The following PAPSS2 variants were observed in gnomAD, a reference collection of about 807,000 sequenced individuals.
PAPSS2 encodes 3'-phosphoadenosine 5'-phosphosulfate synthase 2.
In PAPSS2, 61 loss-of-function variants were observed where a neutral mutation model predicts 66.5. The ratio of observed to expected loss-of-function variants is 0.92; its 90% CI spans 0.75 to 1.14. The LOEUF is 1.14. Ranked by LOEUF, PAPSS2 falls within the 50% of genes most tolerant of loss-of-function variation. The probability of loss-of-function intolerance (pLI) is 0.00; values close to 1 mark genes in which losing one functional copy is unlikely to be tolerated. For missense variants in PAPSS2, 708 were observed against 789.6 expected, an observed-to-expected ratio of 0.90 and a Z score of 1.24; for synonymous variants, 289 against 287.5, an observed-to-expected ratio of 1.01 and a Z score of -0.05.
At chr10:87,734,496 G>C (rs1174261652) in intron 9 of PAPSS2, among the ~76,000 whole-genome samples, 1 of 151,520 alleles carries the variant, frequency 6.6e-6, no homozygotes, top group Non-Finnish European at 1.5e-5. Context: ...CTGAGATTTG[G>C]GTCTTGGCTT....
chr10:87,660,700 C>T (rs555957703), intron 1 of PAPSS2, among the ~76,000 whole-genome samples: 21 of 148,970 alleles, frequency 1.4e-4, no homozygotes, highest in African/African-American at 4.9e-4. Context: ...AATATGAGGG[C>T]GTGTCAAAGA....
chr10:87,745,476 G>A lies in PAPSS2; in HGVS notation c.1721+245G>A, dbSNP rs146361763. Reference sequence around the variant, plus strand: ...ACATGCATTCTTGAGCATGCACAGAGTGCCTGGCACACTAAGTGAAAGGAA... The same window carrying A: ...ACATGCATTCTTGAGCATGCACAGAATGCCTGGCACACTAAGTGAAAGGAA... On this transcript the variant is annotated intron_variant, in intron 12 of 12. Transcript: ENST00000456849. Among the ~76,000 whole-genome samples, 25 of 152,318 alleles carry A rather than the reference G, an allele frequency of 1.6e-4. 1 individual carries two copies. The highest frequency in any genetic ancestry group is 1.2e-3 in the South Asian group (6 of 4,826).
chr10:87,697,524 A>G (rs1489695854), intron 1 of PAPSS2, among the ~76,000 whole-genome samples: 1 of 152,210 alleles, frequency 6.6e-6, no homozygotes, highest in East Asian at 1.9e-4. Flanking sequence ...GGTGTGTCCA[A>G]GGTTGATTAC....
chr10:87,714,686 G>A, intron 4 of PAPSS2, 59 bp from the exon 5 acceptor site: 1 of 1,003,926 alleles, frequency 1.0e-6, no homozygotes, highest in Non-Finnish European at 1.6e-6. Flanking sequence ...TTGCCTTATT[G>A]ATTAAAAAGA....
chr10:87,739,380 C>T (rs114361263), intron 9 of PAPSS2, among the ~76,000 whole-genome samples: 4,233 of 152,194 alleles, frequency 0.028, 196 homozygotes, highest in African/African-American at 0.097. Context: ...CATTTTGCTG[C>T]GCTTTGGAGA....
chr10:87,693,949 C>T (rs1470190924), intron 1 of PAPSS2, among the ~76,000 whole-genome samples: 2 of 152,152 alleles, frequency 1.3e-5, no homozygotes, highest in Non-Finnish European at 2.9e-5. Context: ...AAGTTTGGAA[C>T]ATGTCATTTT....
At chr10:87,667,380 G>A (rs929954505) in intron 1 of PAPSS2, among the ~76,000 whole-genome samples, 3 of 152,128 alleles carry the variant, frequency 2.0e-5, no homozygotes, top group Non-Finnish European at 4.4e-5. Flanking sequence ...CAGTACTGGA[G>A]GTCAAGGCTG....
intron 7 of PAPSS2, among the ~76,000 whole-genome samples, chr10:87,718,872 G>A (rs7079187): frequency 0.5 from 76,315 of 152,038 alleles, 20,094 homozygotes; most frequent in East Asian, 0.71. Flanking sequence ...TCCTCATGTG[G>A]CTCCAGTGTG....
At position 87,743,467 on chromosome 10, in the gene PAPSS2, C is replaced by T. The variant is rs1257774356; in HGVS notation, c.1317C>T (p.Tyr439=). Residue 439 remains tyrosine (Y), a synonymous_variant, in exon 11 of 13, where the codon TAC becomes TAT. Transcript: ENST00000456849. ...GCCGCAGGCTCCTAGAGAGGGGCTA[C>T]AAGCACCCGGTCCTCCTACTACACC... ...DTRRRLLERG[Y]KHPVLLLHPL... is the part of the protein sequence containing the mutation. 2 of 1,614,044 alleles carry T rather than the reference C, an allele frequency of 1.2e-6. No homozygotes were observed. Among genetic ancestry groups the T allele is most frequent in the Non-Finnish European group, 1.7e-6 (2 of 1,180,032 alleles).
chr10:87,670,257 G>C (rs542967425), intron 1 of PAPSS2, among the ~76,000 whole-genome samples: 2 of 152,324 alleles, frequency 1.3e-5, no homozygotes, highest in African/African-American at 4.8e-5. Flanking sequence ...CTTGAACCAA[G>C]TTGTAATATT....
chr10:87,679,238 C>T (rs1473323963), intron 1 of PAPSS2, among the ~76,000 whole-genome samples: 2 of 152,010 alleles, frequency 1.3e-5, no homozygotes, highest in African/African-American at 2.4e-5. Context: ...TTGATATCAT[C>T]AAGGTAGAGA....
At chr10:87,734,202 GC>G (rs553960629) in intron 9 of PAPSS2, among the ~76,000 whole-genome samples, 277 of 152,220 alleles carry the variant, frequency 1.8e-3, no homozygotes, top group Non-Finnish European at 3.2e-3. Flanking sequence ...TCCTTCCAGA[GC>G]TGGTCATTCG....
At chr10:87,737,553 G>A (rs981852144) in intron 9 of PAPSS2, among the ~76,000 whole-genome samples, 2 of 152,106 alleles carry the variant, frequency 1.3e-5, no homozygotes, top group Non-Finnish European at 2.9e-5. Context: ...CAGGCATGGT[G>A]GCTCACGCTT....
chr10:87,689,340 C>CAAA (rs58947357), intron 1 of PAPSS2, among the ~76,000 whole-genome samples: 1 of 98,584 alleles, frequency 1.0e-5, no homozygotes, highest in Non-Finnish European at 2.1e-5. Context: ...AACTCCATCT[C>CAAA]AAAAAAAAAA....
intron 9 of PAPSS2, among the ~76,000 whole-genome samples, chr10:87,739,268 C>G (rs1853838275): frequency 1.3e-5 from 2 of 152,256 alleles, no homozygotes; most frequent in South Asian, 4.1e-4. Context: ...AGAGACTGTC[C>G]TTTCCCCCAT....
Position 87,746,284 on chromosome 10 carries a change from G to A in PAPSS2, c.*314G>A, listed in dbSNP as rs935759913. ...ATTTCTTAAGGCTTTGTTTGACCAT[G>A]TGTCTAGTTACTTGCTGAAAAGTGA... On this transcript the variant is annotated 3_prime_UTR_variant, in exon 13 of 13. Transcript: ENST00000456849. 2.0e-5 allele frequency: 4 copies of A among 200,778 alleles called. No individual in the cohort carries two copies. The highest frequency in any genetic ancestry group is 9.5e-5 in the African/African-American group (4 of 41,930). The allele number at this position is 200,778 out of a possible 1,614,324, so 12.4% of individuals were successfully genotyped here. A position where few individuals can be genotyped will look rare whatever the true frequency, so the allele number is the denominator to read the frequency against.
At chr10:87,673,419 T>A (rs1427406547) in intron 1 of PAPSS2, among the ~76,000 whole-genome samples, 1 of 151,984 alleles carries the variant, frequency 6.6e-6, no homozygotes, top group Non-Finnish European at 1.5e-5. Flanking sequence ...CTTGCCCTCC[T>A]AAAGTGCTGG....
intron 2 of PAPSS2, among the ~76,000 whole-genome samples, chr10:87,710,334 T>C (rs181216542): frequency 1.3e-5 from 2 of 152,334 alleles, no homozygotes; most frequent in Admixed American, 1.3e-4. Flanking sequence ...GAAACAACTT[T>C]CTGCAGCCTC....
chr10:87,671,486 G>T (rs1400952333), intron 1 of PAPSS2, among the ~76,000 whole-genome samples: 2 of 152,200 alleles, frequency 1.3e-5, no homozygotes, highest in Non-Finnish European at 2.9e-5. Flanking sequence ...CAAGGCTTCA[G>T]TGTTCTAGTG....
Sources: gnomAD v4.1 joint callset for allele counts (sites outside exome capture counted in the v4.1 genomes callset) on GRCh38, gnomAD v4.1.1 for gene constraint, MANE v1.5 for transcripts, NCBI Gene and HGNC (gene_info 2026-07-23, HGNC 2026-07-21) for gene names.